Variants in ZNF790 observed in about 807,000 individuals in gnomAD.
ZNF790 encodes zinc finger protein 790.
ZNF790 carries 8 observed loss-of-function variants against 12.1 expected under a neutral mutation model. The ratio of observed to expected loss-of-function variants is 0.66; its 90% CI spans 0.39 to 1.19. The LOEUF is 1.19. Ranked by LOEUF, ZNF790 falls within the 50% of genes most tolerant of loss-of-function variation. The probability of loss-of-function intolerance (pLI) is 0.01; values close to 1 mark genes in which losing one functional copy is unlikely to be tolerated. For missense variants in ZNF790, 707 were observed against 752.2 expected (o/e 0.94, Z 0.70); for synonymous variants, 252 against 244.3 (o/e 1.03, Z -0.29).
At chr19:36,833,808 CAG>C (rs1415673713) in intron 1 of ZNF790, among the ~76,000 whole-genome samples, 5 of 152,042 alleles carry the variant, frequency 3.3e-5, no homozygotes, top group Non-Finnish European at 7.3e-5. Flanking sequence ...CTACATGTGA[CAG>C]ATAAATATAG....
Position 36,819,991 on chromosome 19 carries a change from C to T in ZNF790, c.353G>A (p.Arg118Lys), listed in dbSNP as rs745538231. The T allele has an allele frequency of 6.2e-7, 1 of 1,614,028 alleles. No individual in the cohort carries two copies. Among genetic ancestry groups the T allele is most frequent in the Non-Finnish European group, 8.5e-7 (1 of 1,180,020 alleles). Residue 118 changes from arginine (R) to lysine (K), a missense_variant, in exon 5 of 5, where the codon AGA (arginine) becomes AAA (lysine). Coordinates refer to ENST00000356725, the MANE Select transcript of ZNF790 (RefSeq NM_206894.4). ...CTGAGTGTTGCCTTCCCAGTCACCT[C>T]TAAAACATAAACAGTCAAGGCTGTG... ...KNHSLDCLCF[R>K]GDWEGNTQFQ...
At chr19:36,832,314 T>C (rs1474084909) in intron 1 of ZNF790, among the ~76,000 whole-genome samples, 1 of 152,224 alleles carries the variant, frequency 6.6e-6, no homozygotes. Context: ...GTACCCAGTA[T>C]GTGGTATTCA....
At position 36,837,333 on chromosome 19, in the gene ZNF790, G is replaced by C. The variant is rs942338931; in HGVS notation, c.-74+1004C>G. Among the ~76,000 whole-genome samples the C allele has an allele frequency of 2.6e-5, 4 of 152,278 alleles. No individual in the cohort carries two copies. In the South Asian group the frequency reaches 8.3e-4, roughly 32 times the overall value. On this transcript the variant is annotated intron_variant, in intron 1 of 4. Coordinates refer to ENST00000356725, the MANE Select transcript of ZNF790 (RefSeq NM_206894.4). ...TTCTGAGTCTAACAGAAACTAGGCT[G>C]TATCTGGAGGACTCTGCAGCCCTCT...
Position 36,818,972 on chromosome 19 carries a change from T to A in ZNF790, c.1372A>T (p.Thr458Ser). ...TTAAACTCTGAGCCATGAAGAAAGG[T>A]CTTTCCACATTCCTTACATTCATAG... ...KSYECKECGK[T>S]FLHGSEFNRH... The change falls in exon 5 of 5, where the codon ACC becomes TCC. Residue 458 changes from threonine (T) to serine (S), a missense_variant. Physicochemically the swap from Thr to Ser is moderately conservative, Grantham distance 58. Transcript: ENST00000356725. 6.2e-7 allele frequency: 1 copy of A among 1,613,376 alleles called. No individual in the cohort carries two copies. Among genetic ancestry groups the A allele is most frequent in the Non-Finnish European group, 8.5e-7 (1 of 1,179,726 alleles).
chr19:36,850,665 G>A (rs2072240200), upstream of ZNF790: 1 of 152,218 alleles, frequency 6.6e-6, no homozygotes, highest in South Asian at 2.1e-4. Context: ...TCCTTGTCAG[G>A]TGAGACTCCC....
rs1384627920 is a variant in ZNF790 at position 36,818,373 on chromosome 19, A to G, written c.*60T>C. The G allele has an allele frequency of 6.9e-6, 10 of 1,447,948 alleles. No homozygotes were observed. The highest frequency in any genetic ancestry group is 9.2e-6 in the Non-Finnish European group (10 of 1,091,060). The allele number at this position is 1,447,948 out of a possible 1,614,324, so 89.7% of individuals were successfully genotyped here. A position where few individuals can be genotyped will look rare whatever the true frequency, so the allele number is the denominator to read the frequency against. On this transcript the variant is annotated 3_prime_UTR_variant, in exon 5 of 5. Transcript: ENST00000356725. ...TTGTGGTGTTCCTCAAGAGAAAAAA[A>G]TAAATGACATCAATTAATGAGTCAT...
chr19:36,823,618 A>T (rs780285325), intron 3 of ZNF790, 49 bp downstream of exon 3: 23 of 1,585,100 alleles, frequency 1.5e-5, no homozygotes, highest in Non-Finnish European at 1.9e-5. Context: ...CAATAAAAAA[A>T]ATCACAATAC....
intron 1 of ZNF790, among the ~76,000 whole-genome samples, chr19:36,827,119 C>CACACACACACACAT (rs2071829122): frequency 6.4e-5 from 4 of 62,868 alleles, no homozygotes; most frequent in African/African-American, 3.2e-4. Context: ...TATACACATA[C>CACACACACACACAT]ACACACACAC....
At position 36,819,653 on chromosome 19, in the gene ZNF790, A is replaced by ATTC. The variant is rs754416748; in HGVS notation, c.688_690dup (p.Glu230dup). 111 of 1,608,492 alleles carry ATTC rather than the reference A, an allele frequency of 6.9e-5. No individual in the cohort carries two copies. The highest frequency in any genetic ancestry group is 8.7e-5 in the Non-Finnish European group (102 of 1,177,174). Reference sequence around the variant, plus strand: ...GAACGTAAACTAAAAGACTTCCCACATTCTTTACATTCATATGTTTTCTTA... The same window carrying ATTC: ...GAACGTAAACTAAAAGACTTCCCACATTCTTCTTTACATTCATATGTTTTCTTA... On this transcript the variant is annotated inframe_insertion, in exon 5 of 5. Coordinates refer to ENST00000356725, the MANE Select transcript of ZNF790 (RefSeq NM_206894.4).
At chr19:36,840,355 G>A (rs1166968335), upstream of ZNF790, among the ~76,000 whole-genome samples, 1 of 152,158 alleles carries the variant, frequency 6.6e-6, no homozygotes. Flanking sequence ...AAAAGCGCAT[G>A]GGGCAAAGTC....
At chr19:36,820,622 G>C (rs151070339) in intron 4 of ZNF790, among the ~76,000 whole-genome samples, 26 of 152,286 alleles carry the variant, frequency 1.7e-4, no homozygotes, top group Non-Finnish European at 3.7e-4. Flanking sequence ...ATAGTTTGAA[G>C]GCCAGGTACA....
chr19:36,849,801 C>T (rs2072225726), intron 1 of ZNF790, among the ~76,000 whole-genome samples: 1 of 151,390 alleles, frequency 6.6e-6, no homozygotes, highest in African/African-American at 2.4e-5. Flanking sequence ...ACGATCTTGC[C>T]CCCCCCACCT....
At chr19:36,822,524 G>A (rs769324861) in intron 4 of ZNF790, among the ~76,000 whole-genome samples, 4 of 42,998 alleles carry the variant, frequency 9.3e-5, no homozygotes, top group Non-Finnish European at 1.5e-4. Context: ...AGTGTTTTTT[G>A]TTTGTTTGTT....
rs1476879756 is a variant in ZNF790, at chr19:36,818,689, T to C, written c.1655A>G (p.His552Arg). ...TTCTGCATCAGTATGAATTTTCTTA[T>C]GTCGTGTAAGCTGTGAACCCCAGAT... The part of the protein sequence containing the change: ...SFIWGSQLTR[H>R]KKIHTDAEPY... Residue 552 changes from histidine (H) to arginine (R), a missense_variant, in exon 5 of 5, where the codon CAT becomes CGT. Transcript: ENST00000356725. The C allele has an allele frequency of 3.1e-6, 5 of 1,613,758 alleles. No individual in the cohort carries two copies. The East Asian group carries it at 6.7e-5, about 22-fold the overall frequency.
At position 36,819,355 on chromosome 19, in the gene ZNF790, C is replaced by A. The variant is rs2071614537; in HGVS notation, c.989G>T (p.Arg330Ile). 4 of 1,612,842 alleles carry A rather than the reference C, an allele frequency of 2.5e-6. No individual in the cohort carries two copies. The highest frequency in any genetic ancestry group is 1.3e-5 in the African/African-American group (1 of 74,850). The part of the protein sequence containing the change: ...SQRSHLIKHQ[R>I]IHTGEKPYEC... ...ATAAGGTTTTTCACCAGTGTGAATT[C>A]TCTGATGTTTAATAAGATGTGATCG... The change falls in exon 5 of 5, where the codon AGA becomes ATA. Residue 330 changes from arginine to isoleucine, a missense_variant. Arg to Ile is a moderately conservative substitution (Grantham distance 97). Coordinates refer to ENST00000356725, the MANE Select transcript of ZNF790 (RefSeq NM_206894.4).
At chr19:36,842,763 T>C (rs2072140928), upstream of ZNF790, among the ~76,000 whole-genome samples, 2 of 151,552 alleles carry the variant, frequency 1.3e-5, no homozygotes, top group Admixed American at 1.3e-4. Flanking sequence ...CCCAGCACTT[T>C]GGGAGGCTGA....
At chr19:36,845,060 A>G (rs2072166785) in intron 1 of ZNF790, among the ~76,000 whole-genome samples, 1 of 149,500 alleles carries the variant, frequency 6.7e-6, no homozygotes, top group African/African-American at 2.4e-5. Context: ...AAAAAAAAAA[A>G]AAAAAAAAAA....
At chr19:36,823,881 G>T (rs1428572430) in intron 2 of ZNF790, 91 bp from the exon 3 acceptor site, 1 of 1,239,032 alleles carries the variant, frequency 8.1e-7, no homozygotes, top group Non-Finnish European at 1.1e-6. Context: ...CTGGAAAGGG[G>T]CACTGCAGGG....
intron 1 of ZNF790, among the ~76,000 whole-genome samples, chr19:36,834,525 C>G (rs1190747968): frequency 6.6e-6 from 1 of 152,184 alleles, no homozygotes; most frequent in African/African-American, 2.4e-5. Context: ...CACTACATAT[C>G]CACCATATTG....
Sources: allele counts gnomAD v4.1 joint callset (sites outside exome capture counted in the v4.1 genomes callset), GRCh38; gene constraint gnomAD v4.1.1; transcripts MANE v1.5; gene names NCBI Gene and HGNC (gene_info 2026-07-23, HGNC 2026-07-21).